Variants in ZER1 observed in about 807,000 individuals in gnomAD.
The protein encoded by ZER1 is protein zer-1 homolog.
A neutral mutation model predicts 78.8 loss-of-function variants in ZER1; 11 were observed. The observed-to-expected ratio is 0.14, with a 90% confidence interval of 0.09 to 0.23. The LOEUF (loss-of-function observed/expected upper bound fraction) is 0.23, where lower values mean the gene tolerates loss of function less well. ZER1 is among the 10% of genes least tolerant of loss of function. ZER1 has a pLI of 1.00. For missense variants in ZER1, 588 were observed against 996.9 expected (o/e 0.59, Z 5.52); for synonymous variants, 400 against 407.0 (o/e 0.98, Z 0.21).
chr9:128,740,034 C>G lies in ZER1; in HGVS notation c.1939G>C (p.Glu647Gln), dbSNP rs150689943. 3 of 1,614,038 alleles carry G rather than the reference C, an allele frequency of 1.9e-6. No individual in the cohort carries two copies. The change falls in exon 13 of 16, where the codon GAG becomes CAG. Residue 647 changes from glutamate to glutamine, a missense_variant. Physicochemically the swap from Glu to Gln is conservative, Grantham distance 29. Coordinates refer to ENST00000291900, the MANE Select transcript of ZER1 (RefSeq NM_006336.4). This position sits in a 1 kb window ranked among gnomAD's most constrained non-coding sequence, Gnocchi z 4.4. ...VLSHIMFDGP[E>Q]AWGVCEPQRE... The stretch of plus-strand genomic sequence containing the variant: ...TGGGGCTCACAGACGCCCCAGGCCT[C>G]GGGTCCATCAAACATGATGTGGGAG...
rs570562140 is a variant in ZER1 at position 128,750,778 on chromosome 9, C to T, written c.1197G>A (p.Thr399=). ...QLLRALKLVI[T]ALKCHKYDRN... ...TGTCATATTTGTGGCACTTGAGGGCCGTGATGACCAGCTGTATGAAGACAA... is the reference window on the plus strand; with the variant it reads ...TGTCATATTTGTGGCACTTGAGGGCTGTGATGACCAGCTGTATGAAGACAA... The change falls in exon 8 of 16, where the codon ACG becomes ACA. Residue 399 remains threonine, a synonymous_variant. Transcript: ENST00000291900. The T allele has an allele frequency of 5.0e-6, 8 of 1,614,162 alleles. No individual in the cohort carries two copies. The highest frequency in any genetic ancestry group is 3.3e-5 in the South Asian group (3 of 91,068).
At chr9:128,742,828 C>A (rs2132416322) in intron 8 of ZER1, 83 bp from the exon 9 acceptor site, 1 of 1,407,494 alleles carries the variant, frequency 7.1e-7, no homozygotes, top group Non-Finnish European at 9.6e-7. Context: ...GAGGTATGAG[C>A]TCATCCAGAG....
rs200138911 is a variant in ZER1, at chr9:128,740,317, C to T, written c.1854-198G>A. ...ATTACAGGCTGGGCGCAGTGGCTCA[C>T]GCCTGTAATCCCAGCACTTTGGGAG... On this transcript the variant is annotated intron_variant, in intron 12 of 15. Coordinates refer to ENST00000291900, the MANE Select transcript of ZER1 (RefSeq NM_006336.4). This position sits in a 1 kb window ranked among gnomAD's most constrained non-coding sequence, Gnocchi z 4.4. Among the ~76,000 whole-genome samples, 18 of 152,272 alleles carry T rather than the reference C, an allele frequency of 1.2e-4. No individual in the cohort carries two copies. The East Asian group carries it at 2.3e-3, about 20-fold the overall frequency.
chr9:128,752,903 C>T (rs571242656), intron 4 of ZER1, 54 bp from the exon 5 acceptor site: 155 of 1,563,544 alleles, frequency 9.9e-5, no homozygotes, highest in South Asian at 9.0e-4. Flanking sequence ...GGTGGGGCTG[C>T]CTTGCAGATC....
chr9:128,744,463 T>C (rs547185112), intron 8 of ZER1, among the ~76,000 whole-genome samples: 10 of 147,162 alleles, frequency 6.8e-5, no homozygotes, highest in African/African-American at 2.3e-4. Flanking sequence ...GGATTACAGA[T>C]GTGAGCCACC....
chr9:128,755,866 C>T lies in ZER1; in HGVS notation c.-94-207G>A, dbSNP rs570364821. 6.6e-6 allele frequency among the ~76,000 whole-genome samples: 1 copy of T among 152,330 alleles called. No individual in the cohort carries two copies. Among genetic ancestry groups the T allele is most frequent in the South Asian group, 2.1e-4 (1 of 4,830 alleles). On this transcript the variant is annotated intron_variant, in intron 1 of 15. Coordinates refer to ENST00000291900, the MANE Select transcript of ZER1 (RefSeq NM_006336.4). The surrounding 1 kb of genome is among the most constrained non-coding windows in gnomAD (Gnocchi z 5.6). Reference sequence around the variant, plus strand: ...ATTTGACCTGCAAAGAACATGGAGCCTTGTCCAAGCACTTATTTGCCTGTG... The same window carrying T: ...ATTTGACCTGCAAAGAACATGGAGCTTTGTCCAAGCACTTATTTGCCTGTG...
rs1862765574 is a variant in ZER1, at chr9:128,730,202, T to A, written c.*1135A>T. On this transcript the variant is annotated 3_prime_UTR_variant, in exon 16 of 16. Coordinates refer to ENST00000291900, the MANE Select transcript of ZER1 (RefSeq NM_006336.4). ...GTGTCCGATGAGAAGCAATGCAGTG[T>A]CCATCGATGGAGGAGCAAGAGAGCC... The A allele has an allele frequency of 6.5e-6, 1 of 152,838 alleles. No homozygotes were observed. Among genetic ancestry groups the A allele is most frequent in the African/African-American group, 2.4e-5 (1 of 41,476 alleles). The allele number at this position is 152,838 out of a possible 1,614,324, so 9.5% of individuals were successfully genotyped here.
intron 8 of ZER1, among the ~76,000 whole-genome samples, chr9:128,747,091 C>T (rs1260136919): frequency 6.6e-6 from 1 of 151,730 alleles, no homozygotes; most frequent in African/African-American, 2.4e-5. Context: ...CCCAGCTACT[C>T]AGGACACTGA....
intron 1 of ZER1, among the ~76,000 whole-genome samples, chr9:128,762,488 T>G (rs913873573): frequency 2.6e-5 from 4 of 152,016 alleles, no homozygotes; most frequent in African/African-American, 9.7e-5. Context: ...CTTGGGCAAG[T>G]GTCTCCACCT....
chr9:128,742,135 G>T (rs1485483446), intron 9 of ZER1, among the ~76,000 whole-genome samples: 1 of 152,220 alleles, frequency 6.6e-6, no homozygotes, highest in Admixed American at 6.5e-5. Context: ...GAGACCAGAA[G>T]CTCTTGAGCT....
chr9:128,739,887 C>T (rs1863230279), intron 13 of ZER1, 44 bp downstream of exon 13: 1 of 1,578,236 alleles, frequency 6.3e-7, no homozygotes, highest in Non-Finnish European at 8.7e-7. Flanking sequence ...CCAGCACTTA[C>T]CCCATATTCC....
intron 1 of ZER1, among the ~76,000 whole-genome samples, chr9:128,763,371 C>T (rs902362392): frequency 4.6e-5 from 7 of 152,214 alleles, no homozygotes; most frequent in Admixed American, 3.9e-4. Context: ...ACACTTGGTA[C>T]GATGTGGCTT....
At chr9:128,737,923 G>A (rs1863143091) in intron 13 of ZER1, among the ~76,000 whole-genome samples, 4 of 151,840 alleles carry the variant, frequency 2.6e-5, no homozygotes, top group Admixed American at 1.3e-4. Flanking sequence ...GGCTGGTTTC[G>A]AACTCCTGAC....
intron 1 of ZER1, among the ~76,000 whole-genome samples, chr9:128,766,552 C>T (rs1388756630): frequency 3.3e-5 from 5 of 151,764 alleles, no homozygotes; most frequent in Non-Finnish European, 7.4e-5. Flanking sequence ...TAGTTCAAGA[C>T]GCAGTGTGTC....
Position 128,753,998 on chromosome 9 carries a change from G to C in ZER1, c.159-39C>G, listed in dbSNP as rs1307823089. The C allele has an allele frequency of 6.4e-7, 1 of 1,559,450 alleles. No homozygotes were observed. Among genetic ancestry groups the C allele is most frequent in the South Asian group, 1.2e-5 (1 of 84,604 alleles). On this transcript the variant is annotated intron_variant, in intron 2 of 15. Transcript: ENST00000291900. This position sits in a 1 kb window ranked among gnomAD's most constrained non-coding sequence, Gnocchi z 7.5. ...AAGCCTGGCTCAGGAGAGGGCCACAGGGACTCTCATCCTCGCTTCAAAGCC... is the reference window on the plus strand; with the variant it reads ...AAGCCTGGCTCAGGAGAGGGCCACACGGACTCTCATCCTCGCTTCAAAGCC...
chr9:128,733,903 G>A (rs1309669715), intron 14 of ZER1, among the ~76,000 whole-genome samples: 1 of 140,392 alleles, frequency 7.1e-6, no homozygotes, highest in Non-Finnish European at 1.5e-5. Flanking sequence ...GCCGAGACGG[G>A]CGGATCACGA....
chr9:128,734,144 A>ATAT (rs1554784814), intron 14 of ZER1, among the ~76,000 whole-genome samples: 5 of 14,448 alleles, frequency 3.5e-4, no homozygotes, highest in African/African-American at 9.3e-4. Flanking sequence ...AAAAAAAAAA[A>ATAT]ATATATATAT....
Position 128,753,664 on chromosome 9 carries a change from G to A in ZER1, c.310-64C>T, listed in dbSNP as rs1012222241. 3 of 1,582,632 alleles carry A rather than the reference G, an allele frequency of 1.9e-6. No individual in the cohort carries two copies. Among genetic ancestry groups the A allele is most frequent in the East Asian group, 4.5e-5 (2 of 44,490 alleles). ...GCCCCTTCCCCCGGCCCCAGGCCTT[G>A]CCCTGGGCTACAGGTGGGTTGGAAA... On this transcript the variant is annotated intron_variant, in intron 3 of 15. Transcript: ENST00000291900. This position sits in a 1 kb window ranked among gnomAD's most constrained non-coding sequence, Gnocchi z 7.5.
rs1255075015 is a variant in ZER1 at position 128,771,694 on chromosome 9, GAT to G, written c.-210_-209del. On this transcript the variant is annotated 5_prime_UTR_variant, in exon 1 of 16. Coordinates refer to ENST00000291900, the MANE Select transcript of ZER1 (RefSeq NM_006336.4). ...GGCCAGAGCACCTCAGGAGGTTGGG[GAT>G]CTCGTCAGGCTAGAGCCGGGGTCCA... 1 of 152,220 alleles carries G rather than the reference GAT, an allele frequency of 6.6e-6. No homozygotes were observed. The highest frequency in any genetic ancestry group is 1.5e-5 in the Non-Finnish European group (1 of 68,084). The allele number at this position is 152,220 out of a possible 1,614,324, so 9.4% of individuals were successfully genotyped here.
Sources: allele counts gnomAD v4.1 joint callset (sites outside exome capture counted in the v4.1 genomes callset), GRCh38; gene constraint gnomAD v4.1.1; non-coding constraint Gnocchi (gnomAD v3.1); transcripts MANE v1.5; gene names NCBI Gene and HGNC (gene_info 2026-07-23, HGNC 2026-07-21).